The following CFAP54 variants were observed in gnomAD, a reference collection of about 807,000 sequenced individuals.
The protein encoded by CFAP54 is cilia- and flagella-associated protein 54.
CFAP54 carries 290 observed loss-of-function variants against 370.4 expected under a neutral mutation model. The ratio of observed to expected loss-of-function variants is 0.78; its 90% CI spans 0.71 to 0.86. The LOEUF (loss-of-function observed/expected upper bound fraction) is 0.86, where lower values mean the gene tolerates loss of function less well. Among genes scored for constraint, CFAP54 ranks in the 40% least tolerant of loss-of-function variants. CFAP54 has a pLI of 0.00. For missense variants in CFAP54, 3,399 were observed against 3,528.7 expected, an observed-to-expected ratio of 0.96 and a Z score of 0.93; for synonymous variants, 1,206 against 1,236.5, an observed-to-expected ratio of 0.98 and a Z score of 0.52.
intron 65 of CFAP54, among the ~76,000 whole-genome samples, chr12:96,821,728 T>G (rs1959037951): frequency 6.7e-6 from 1 of 149,342 alleles, no homozygotes. Flanking sequence ...AAAAGCTCGA[T>G]TCTGGGTTGT....
At chr12:96,772,472 A>G (rs971199193) in intron 60 of CFAP54, among the ~76,000 whole-genome samples, 14 of 152,300 alleles carry the variant, frequency 9.2e-5, no homozygotes, top group Non-Finnish European at 1.6e-4. Flanking sequence ...CTCTGACCCG[A>G]AACATACTCC....
At position 96,604,279 on chromosome 12, in the gene CFAP54, G is replaced by A. The variant is rs117992356; in HGVS notation, c.3639+5512G>A. On this transcript the variant is annotated intron_variant, in intron 26 of 67. Transcript: ENST00000524981. ...CCTGTTTGCCTGGGCATCACCAGTG[G>A]AGGCCACAGAACAGCAAATATTGCT... 2.8e-3 allele frequency among the ~76,000 whole-genome samples: 433 copies of A among 152,300 alleles called. 4 individuals are homozygous for A. The highest frequency in any genetic ancestry group is 4.2e-3 in the Non-Finnish European group (288 of 68,030).
intron 14 of CFAP54, among the ~76,000 whole-genome samples, chr12:96,544,410 ATC>A (rs71068815): frequency 0.36 from 53,781 of 147,620 alleles, 9,640 homozygotes; most frequent in Middle Eastern, 0.42. Context: ...AAAACAGAAT[ATC>A]TCTCTCTCTC....
At chr12:96,621,993 A>G (rs1956501320) in intron 27 of CFAP54, among the ~76,000 whole-genome samples, 1 of 146,634 alleles carries the variant, frequency 6.8e-6, no homozygotes, top group Non-Finnish European at 1.5e-5. Flanking sequence ...GTTAATGATG[A>G]TAGAGAGCTT....
chr12:96,540,435 G>A (rs905823543), intron 13 of CFAP54, among the ~76,000 whole-genome samples: 4 of 152,078 alleles, frequency 2.6e-5, no homozygotes, highest in African/African-American at 9.7e-5. Flanking sequence ...TATGGAGCCT[G>A]AAACACCTGC....
chr12:96,687,955 G>A (rs1957345531), intron 42 of CFAP54, among the ~76,000 whole-genome samples: 1 of 152,190 alleles, frequency 6.6e-6, no homozygotes, highest in Non-Finnish European at 1.5e-5. Context: ...CCAGAAGTCT[G>A]ACTGCCATAG....
intron 25 of CFAP54, among the ~76,000 whole-genome samples, chr12:96,597,448 A>T (rs2136440110): frequency 6.6e-6 from 1 of 152,098 alleles, no homozygotes; most frequent in East Asian, 1.9e-4. Flanking sequence ...GCAACTGAGC[A>T]TGTAAAAGGG....
At chr12:96,503,831 AATG>A in intron 2 of CFAP54, 52 bp from the exon 3 acceptor site, 1 of 1,318,204 alleles carries the variant, frequency 7.6e-7, no homozygotes, top group Non-Finnish European at 1.0e-6. Flanking sequence ...ATTACCTAAT[AATG>A]ATAAGCTAAA....
chr12:96,575,132 C>A (rs1158987494), intron 19 of CFAP54, among the ~76,000 whole-genome samples: 2 of 152,034 alleles, frequency 1.3e-5, no homozygotes, highest in Non-Finnish European at 2.9e-5. Flanking sequence ...TGACGTTGAA[C>A]ATCTTTTCAT....
At chr12:96,834,996 G>T (rs1794147739) in intron 66 of CFAP54, among the ~76,000 whole-genome samples, 1 of 152,124 alleles carries the variant, frequency 6.6e-6, no homozygotes, top group South Asian at 2.1e-4. Context: ...GGAGACCCTG[G>T]AGTGGGAAGC....
chr12:96,587,791 A>G (rs1047258645), intron 22 of CFAP54, among the ~76,000 whole-genome samples: 2 of 152,236 alleles, frequency 1.3e-5, no homozygotes, highest in African/African-American at 4.8e-5. Flanking sequence ...ATAATTATAT[A>G]TTTTAATTAT....
chr12:96,508,089 G>A (rs1424755165), intron 4 of CFAP54, among the ~76,000 whole-genome samples: 1 of 146,398 alleles, frequency 6.8e-6, no homozygotes, highest in African/African-American at 2.5e-5. Context: ...ATGATTCCCT[G>A]TCTTTACTCC....
At chr12:96,643,515 A>C (rs1446108155) in intron 32 of CFAP54, among the ~76,000 whole-genome samples, 8 of 152,194 alleles carry the variant, frequency 5.3e-5, no homozygotes, top group South Asian at 2.1e-4. Flanking sequence ...AACAAAAAAA[A>C]CTGAAAATAT....
chr12:96,682,721 C>T (rs1957286126), intron 40 of CFAP54, among the ~76,000 whole-genome samples: 1 of 152,140 alleles, frequency 6.6e-6, no homozygotes, highest in African/African-American at 2.4e-5. Context: ...GAGATTGCAT[C>T]TGGTCCTGAA....
intron 44 of CFAP54, among the ~76,000 whole-genome samples, chr12:96,691,993 T>G (rs952092904): frequency 7.9e-5 from 12 of 152,138 alleles, no homozygotes; most frequent in African/African-American, 2.9e-4. Context: ...TCTCTTTTTC[T>G]CCTTTGTTTG....
intron 64 of CFAP54, among the ~76,000 whole-genome samples, chr12:96,813,164 C>CT (rs556418156): frequency 3.3e-5 from 5 of 151,976 alleles, no homozygotes; most frequent in South Asian, 4.2e-4. Flanking sequence ...TGATAAGCTT[C>CT]TTTTTTTTAT....
At chr12:96,854,203 G>A (rs1346931471) in intron 66 of CFAP54, among the ~76,000 whole-genome samples, 4 of 152,086 alleles carry the variant, frequency 2.6e-5, no homozygotes, top group Non-Finnish European at 5.9e-5. Context: ...GTGCAGTTAA[G>A]TAGCAAAGAG....
chr12:96,827,026 GT>G (rs1400379513), intron 65 of CFAP54, among the ~76,000 whole-genome samples: 2 of 125,824 alleles, frequency 1.6e-5, no homozygotes, highest in Non-Finnish European at 3.2e-5. Flanking sequence ...GCAATTATAT[GT>G]GATTATATAT....
intron 63 of CFAP54, among the ~76,000 whole-genome samples, chr12:96,804,660 G>A (rs527825753): frequency 1.2e-4 from 18 of 152,140 alleles, no homozygotes; most frequent in African/African-American, 4.1e-4. Flanking sequence ...TGGTTTGCGA[G>A]CATCAATATT....
Sources: allele counts gnomAD v4.1 joint callset (sites outside exome capture counted in the v4.1 genomes callset), GRCh38; gene constraint gnomAD v4.1.1; transcripts MANE v1.5; gene names NCBI Gene and HGNC (gene_info 2026-07-23, HGNC 2026-07-21).